Variants in TIMM21 observed in about 807,000 individuals in gnomAD.
TIMM21 encodes translocase of inner mitochondrial membrane 21, also known as mitochondrial import inner membrane translocase subunit Tim21.
In TIMM21, 30 loss-of-function variants were observed where a neutral mutation model predicts 27.7. The observed-to-expected ratio is 1.08, with a 90% confidence interval of 0.81 to 1.47. The LOEUF (loss-of-function observed/expected upper bound fraction) is 1.47, where lower values mean the gene tolerates loss of function less well. TIMM21 is among the 40% of genes most tolerant of loss of function. TIMM21 has a pLI of 0.00. For missense variants in TIMM21, 292 were observed against 302.9 expected (o/e 0.96, Z 0.27); for synonymous variants, 121 against 114.4 (o/e 1.06, Z -0.37).
In TIMM21 at chr18:74,159,768, G is replaced by A. The variant is rs986187984; in HGVS notation, c.*1288G>A. The A allele has an allele frequency of 5.3e-5, 8 of 152,130 alleles. No individual in the cohort carries two copies. The highest frequency in any genetic ancestry group is 8.8e-5 in the Non-Finnish European group (6 of 68,028). The allele number at this position is 152,130 out of a possible 1,614,324, so 9.4% of individuals were successfully genotyped here. A position where few individuals can be genotyped will look rare whatever the true frequency, so the allele number is the denominator to read the frequency against. ...ATCGTTTTTTCCTTTGCTATAGAAT[G>A]TTCAGTTTCAGGATTCACTGAAATG... On this transcript the variant is annotated 3_prime_UTR_variant, in exon 6 of 6. Transcript: ENST00000169551.
chr18:74,156,093 G>A (rs1169537719), intron 3 of TIMM21: 1 of 394,332 alleles, frequency 2.5e-6, no homozygotes, highest in Non-Finnish European at 4.5e-6. Flanking sequence ...GTCACACGTA[G>A]CCGGTGTGGC....
intron 1 of TIMM21, 39 bp from the exon 2 acceptor site, chr18:74,155,106 A>G (rs1979914125): frequency 6.2e-7 from 1 of 1,606,506 alleles, no homozygotes; most frequent in Non-Finnish European, 8.5e-7. Flanking sequence ...GCCTGCTCCC[A>G]GCCGGCACCC....
rs377340422 is a variant in TIMM21 at position 74,152,664 on chromosome 18, G to T, written c.302-2481G>T. Among the ~76,000 whole-genome samples the T allele has an allele frequency of 6.6e-6, 1 of 152,188 alleles. No individual in the cohort carries two copies. The highest frequency in any genetic ancestry group is 1.9e-4 in the East Asian group (1 of 5,194). On this transcript the variant is annotated intron_variant, in intron 1 of 5. Transcript: ENST00000169551. This position sits in a 1 kb window ranked among gnomAD's most constrained non-coding sequence, Gnocchi z 4.1. ...ACAGGGTCCTCATTGCCAGCCAGTG[G>T]CCGGCAAGCCAGCTCCAAAATCCAA...
At chr18:74,155,117 G>A (rs201930254) in intron 1 of TIMM21, 28 bp from the exon 2 acceptor site, 16 of 1,611,668 alleles carry the variant, frequency 9.9e-6, no homozygotes, top group African/African-American at 4.0e-5. Context: ...GCCGGCACCC[G>A]TAACCCATTG....
rs940398518 is a variant in TIMM21, at chr18:74,151,413, A to AACAG, written c.301+2306_301+2307insAGAC. Among the ~76,000 whole-genome samples, 29 of 149,490 alleles carry AACAG rather than the reference A, an allele frequency of 1.9e-4. 1 individual carries two copies. The highest frequency in any genetic ancestry group is 5.3e-4 in the African/African-American group (22 of 41,424). On this transcript the variant is annotated intron_variant, in intron 1 of 5. Transcript: ENST00000169551. ...TTGGAAACACTGTGTTCTAGTCATCAACTCTGTTGCTTTCTGTAGGTCAGA... is the reference window on the plus strand; with the variant it reads ...TTGGAAACACTGTGTTCTAGTCATCAACAGACTCTGTTGCTTTCTGTAGGTCAGA...
In TIMM21 at chr18:74,148,893, G is replaced by T. The variant is rs762868376; in HGVS notation, c.85G>T (p.Val29Leu). Residue 29 changes from valine (V) to leucine (L), a missense_variant, in exon 1 of 6, where the codon GTG (valine) becomes TTG (leucine). Val to Leu is a conservative substitution (Grantham distance 32, BLOSUM62 1). Transcript: ENST00000169551. ...SAKRLLLPYI[V>L]LNKACLKTEP... ...AAAGCGATTGCTTTTGCCATACATC[G>T]TGCTTAACAAAGCGTGCTTGAAGAC... 6 of 1,614,028 alleles carry T rather than the reference G, an allele frequency of 3.7e-6. No individual in the cohort carries two copies. The highest frequency in any genetic ancestry group is 1.3e-5 in the African/African-American group (1 of 74,912).
intron 1 of TIMM21, among the ~76,000 whole-genome samples, chr18:74,151,008 G>A (rs1979786300): frequency 6.6e-6 from 1 of 152,148 alleles, no homozygotes; most frequent in Admixed American, 6.5e-5. Flanking sequence ...ACATCCCCTT[G>A]ATTTATACAT....
chr18:74,154,309 C>T (rs1381662495), intron 1 of TIMM21, among the ~76,000 whole-genome samples: 2 of 151,926 alleles, frequency 1.3e-5, no homozygotes, highest in Non-Finnish European at 2.9e-5. Flanking sequence ...TCGCCCAGGC[C>T]GTAGTGCAGT....
At chr18:74,158,116 C>G (rs1485503898) in intron 4 of TIMM21, 29 bp downstream of exon 4, 3 of 1,613,876 alleles carry the variant, frequency 1.9e-6, no homozygotes, top group Non-Finnish European at 2.5e-6. Context: ...AGAGGAGGCT[C>G]TGGGGAGATT....
Position 74,155,365 on chromosome 18 carries a change from T to C in TIMM21, c.424T>C (p.Tyr142His), listed in dbSNP as rs1298043688. The C allele has an allele frequency of 4.3e-6, 7 of 1,613,264 alleles. No individual in the cohort carries two copies. In the South Asian group the frequency reaches 4.4e-5, roughly 10 times the overall value. ...TTCTTCATCCAGTCCTAGCAAGATA[T>C]ATGGGAGAGCCTTAGAAAAATGCAG... ...LFSSSSPSKI[Y>H]GRALEKCRSH... The change falls in exon 3 of 6, where the codon TAT becomes CAT. Residue 142 changes from tyrosine (Y) to histidine (H), a missense_variant. Physicochemically the swap from Tyr to His is moderately conservative, Grantham distance 83. Transcript: ENST00000169551.
At chr18:74,150,507 T>C (rs749142108) in intron 1 of TIMM21, among the ~76,000 whole-genome samples, 3 of 152,340 alleles carry the variant, frequency 2.0e-5, no homozygotes, top group Admixed American at 6.5e-5. Flanking sequence ...AAGACTGTTA[T>C]GATAGAGGGT....
intron 1 of TIMM21, among the ~76,000 whole-genome samples, chr18:74,153,519 T>C (rs537679188): frequency 6.6e-6 from 1 of 152,320 alleles, no homozygotes; most frequent in East Asian, 1.9e-4. Flanking sequence ...TATTGAAATG[T>C]ATTTTGTGAC....
intron 1 of TIMM21, among the ~76,000 whole-genome samples, chr18:74,153,947 G>C (rs1457554111): frequency 1.3e-5 from 2 of 151,894 alleles, no homozygotes; most frequent in Non-Finnish European, 2.9e-5. Flanking sequence ...AATGCCAGGA[G>C]GTGACTCACT....
chr18:74,149,175 A>C (rs572017201), intron 1 of TIMM21, 66 bp downstream of exon 1: 1 of 1,525,826 alleles, frequency 6.6e-7, no homozygotes, highest in African/African-American at 1.4e-5. Context: ...ATGCCCTTTT[A>C]TACCAAGTTC....
rs185377253 is a variant in TIMM21, at chr18:74,149,056, T to G, written c.248T>G (p.Val83Gly). 6.2e-7 allele frequency: 1 copy of G among 1,613,888 alleles called. No homozygotes were observed. The highest frequency in any genetic ancestry group is 1.3e-5 in the African/African-American group (1 of 74,982). The change falls in exon 1 of 6, where the codon GTG becomes GGG. Residue 83 changes from valine (V) to glycine (G), a missense_variant. Val to Gly is a moderately radical substitution (Grantham distance 109). Coordinates refer to ENST00000169551, the MANE Select transcript of TIMM21 (RefSeq NM_014177.3). ...GCAAAGGAGGATGGCAGCAAACAAGTGTCTGTGCACAGGAGTCAGAGAGGG... is the reference window on the plus strand; with the variant it reads ...GCAAAGGAGGATGGCAGCAAACAAGGGTCTGTGCACAGGAGTCAGAGAGGG... ...RKAKEDGSKQ[V>G]SVHRSQRGGT...
At chr18:74,153,203 T>C (rs1201007836) in intron 1 of TIMM21, among the ~76,000 whole-genome samples, 1 of 152,230 alleles carries the variant, frequency 6.6e-6, no homozygotes, top group African/African-American at 2.4e-5. Context: ...GCAGCTTCCA[T>C]TGGAGACAGC....
At chr18:74,150,290 G>T (rs1351450274) in intron 1 of TIMM21, among the ~76,000 whole-genome samples, 2 of 152,168 alleles carry the variant, frequency 1.3e-5, no homozygotes, top group East Asian at 3.9e-4. Flanking sequence ...AAAACTTTCT[G>T]CATAGAAATG....
At chr18:74,149,136 G>A in intron 1 of TIMM21, 27 bp downstream of exon 1, 1 of 1,589,056 alleles carries the variant, frequency 6.3e-7, no homozygotes, top group Non-Finnish European at 8.6e-7. Flanking sequence ...TAATGATTGG[G>A]CTTTCAACAG....
intron 1 of TIMM21, among the ~76,000 whole-genome samples, chr18:74,153,010 A>G (rs1296213485): frequency 6.6e-6 from 1 of 152,210 alleles, no homozygotes; most frequent in African/African-American, 2.4e-5. Flanking sequence ...CTCTCTTATG[A>G]TGGAATGCCC....
Sources: allele counts gnomAD v4.1 joint callset (sites outside exome capture counted in the v4.1 genomes callset), GRCh38; gene constraint gnomAD v4.1.1; non-coding constraint Gnocchi (gnomAD v3.1); transcripts MANE v1.5; gene names NCBI Gene and HGNC (gene_info 2026-07-23, HGNC 2026-07-21).